FAT4: variants seen among roughly 807,000 people sequenced by gnomAD.
FAT4 encodes the protein protocadherin Fat 4.
FAT4 carries 84 observed loss-of-function variants against 303.9 expected under a neutral mutation model. The ratio of observed to expected loss-of-function variants is 0.28; its 90% CI spans 0.23 to 0.33. FAT4 has a LOEUF of 0.33. FAT4 is among the 10% of genes least tolerant of loss of function. The pLI, the probability that FAT4 is intolerant of heterozygous loss-of-function variation, is 1.00. For synonymous variants in FAT4, 2,307 were observed against 2,298.8 expected (o/e 1.00, Z -0.10); for missense variants, 6,005 against 6,146.8 (o/e 0.98, Z 0.77).
intron 2 of FAT4, among the ~76,000 whole-genome samples, chr4:125,374,829 A>AGTATTCAGAT (rs777900931): frequency 5.9e-5 from 9 of 152,218 alleles, no homozygotes; most frequent in Non-Finnish European, 1.3e-4. Context: ...AGAATAATTA[A>AGTATTCAGAT]GTATTCAGAT....
intron 3 of FAT4, among the ~76,000 whole-genome samples, chr4:125,399,819 G>A (rs1441679413): frequency 2.6e-5 from 4 of 151,828 alleles, no homozygotes; most frequent in African/African-American, 9.7e-5. Flanking sequence ...GAAAAGATAC[G>A]ATGTTTTATG....
chr4:125,430,671 T>G (rs1725254861), intron 7 of FAT4, among the ~76,000 whole-genome samples: 1 of 139,342 alleles, frequency 7.2e-6, no homozygotes, highest in Non-Finnish European at 1.6e-5. Flanking sequence ...GAAAAAAAAA[T>G]AAGAAGAGAA....
intron 12 of FAT4, among the ~76,000 whole-genome samples, chr4:125,472,614 G>T (rs961883217): frequency 1.3e-5 from 2 of 152,000 alleles, no homozygotes; most frequent in Non-Finnish European, 2.9e-5. Context: ...TTGATCTCAG[G>T]AATATTTTAT....
In FAT4 at chr4:125,398,897, A is replaced by G; in HGVS notation, c.5289A>G (p.Thr1763=). 1.2e-6 allele frequency: 2 copies of G among 1,613,240 alleles called. No homozygotes were observed. Among genetic ancestry groups the G allele is most frequent in the South Asian group, 1.1e-5 (1 of 91,036 alleles). ...ATGGCTCTAAGATTATGCAGCTGAC[A>G]GCCATGGATGCTGATGAGGTAGCTC... The part of the protein sequence containing the change: ...IGDGSKIMQL[T]AMDADEGANA... Residue 1763 remains threonine (T), a synonymous_variant, in exon 3 of 18, where the codon ACA becomes ACG. Coordinates refer to ENST00000394329, the MANE Select transcript of FAT4 (RefSeq NM_001291303.3).
Position 125,446,385 on chromosome 4 carries a change from A to G in FAT4, c.7292A>G (p.Asp2431Gly), listed in dbSNP as rs985465660. ...GCATTGTTAGATAGGGAAACAAAAGATAATTATACTTTGGTAGTGGTCTGC... is the reference window on the plus strand; with the variant it reads ...GCATTGTTAGATAGGGAAACAAAAGGTAATTATACTTTGGTAGTGGTCTGC... ...TSALLDRETKDNYTLVVVCSD... is the reference protein window; with the variant it reads ...TSALLDRETKGNYTLVVVCSD... Residue 2431 changes from aspartate (D) to glycine (G), a missense_variant, in exon 9 of 18, where the codon GAT becomes GGT. Asp to Gly is a moderately conservative substitution (Grantham distance 94). Coordinates refer to ENST00000394329, the MANE Select transcript of FAT4 (RefSeq NM_001291303.3). 4.3e-6 allele frequency: 7 copies of G among 1,613,572 alleles called. No individual in the cohort carries two copies. Among genetic ancestry groups the G allele is most frequent in the East Asian group, 2.2e-5 (1 of 44,886 alleles).
In FAT4 at chr4:125,381,667, G is replaced by C. The variant is rs116351163; in HGVS notation, c.5176-17117G>C. On this transcript the variant is annotated intron_variant, in intron 2 of 17. Coordinates refer to ENST00000394329, the MANE Select transcript of FAT4 (RefSeq NM_001291303.3). ...ATCAGGGTGGTAATTGCTGAAGGTT[G>C]TGGTGGCTGTGGCAATTTTGTGAAA... Among the ~76,000 whole-genome samples the C allele has an allele frequency of 6.4e-3, 973 of 152,266 alleles. 3 individuals carry two copies. The highest frequency in any genetic ancestry group is 0.022 in the African/African-American group (895 of 41,568).
At chr4:125,426,333 T>A (rs1725084853) in intron 7 of FAT4, among the ~76,000 whole-genome samples, 1 of 152,070 alleles carries the variant, frequency 6.6e-6, no homozygotes, top group Non-Finnish European at 1.5e-5. Flanking sequence ...GCCCCAATAA[T>A]TCTATAAATC....
chr4:125,368,878 G>A (rs1732993889), intron 2 of FAT4, among the ~76,000 whole-genome samples: 1 of 152,094 alleles, frequency 6.6e-6, no homozygotes, highest in African/African-American at 2.4e-5. Flanking sequence ...TTACTTGAAG[G>A]AATTTAAAGT....
At chr4:125,418,562 T>C (rs1029743039) in intron 7 of FAT4, among the ~76,000 whole-genome samples, 2 of 152,274 alleles carry the variant, frequency 1.3e-5, no homozygotes, top group African/African-American at 4.8e-5. Context: ...CGGAAGAGGG[T>C]ATAATAATTA....
intron 3 of FAT4, among the ~76,000 whole-genome samples, chr4:125,401,440 T>C (rs961210298): frequency 6.6e-6 from 1 of 152,024 alleles, no homozygotes; most frequent in African/African-American, 2.4e-5. Context: ...AAATCCTGGC[T>C]CTGTTTTCTT....
At chr4:125,429,752 G>T (rs553596042) in intron 7 of FAT4, among the ~76,000 whole-genome samples, 3 of 152,146 alleles carry the variant, frequency 2.0e-5, no homozygotes, top group Non-Finnish European at 2.9e-5. Context: ...AAGGTTTACA[G>T]ATAATGACTC....
intron 7 of FAT4, among the ~76,000 whole-genome samples, chr4:125,418,198 T>A (rs748466563): frequency 6.6e-6 from 1 of 152,184 alleles, no homozygotes; most frequent in Non-Finnish European, 1.5e-5. Flanking sequence ...TCTAAGGGCC[T>A]GGAAAATATC....
rs569596868 is a variant in FAT4, at chr4:125,437,929, T to C, written c.7199+3504T>C. Among the ~76,000 whole-genome samples, 3 of 152,272 alleles carry C rather than the reference T, an allele frequency of 2.0e-5. No individual in the cohort carries two copies. In the East Asian group the frequency reaches 5.8e-4, roughly 29 times the overall value. ...AATAATTTAAGTGAGCTGGTTAGAA[T>C]AGCACCAGGAACAAAAAACAATGCT... On this transcript the variant is annotated intron_variant, in intron 8 of 17. Transcript: ENST00000394329.
At chr4:125,385,337 C>G (rs986949030) in intron 2 of FAT4, among the ~76,000 whole-genome samples, 2 of 152,022 alleles carry the variant, frequency 1.3e-5, no homozygotes, top group African/African-American at 4.8e-5. Context: ...TTAGAAACTT[C>G]TTGGTCATCC....
chr4:125,451,164 G>T lies in FAT4; in HGVS notation c.10154G>T (p.Gly3385Val). The T allele has an allele frequency of 1.2e-6, 2 of 1,614,120 alleles. No individual in the cohort carries two copies. Among genetic ancestry groups the T allele is most frequent in the South Asian group, 1.1e-5 (1 of 91,090 alleles). Residue 3385 changes from glycine to valine, a missense_variant, in exon 10 of 18, where the codon GGT becomes GTT. By Grantham distance (109) the Gly-to-Val change is moderately radical. Transcript: ENST00000394329. ...GCCAAGAACTTTGGCAGCATTAGAG[G>T]TGCAGATATAGATGAGGTCACTGTA... ...VLAKNFGSIR[G>V]ADIDEVTVNV...
At chr4:125,489,851 T>C (rs1359279061) in intron 17 of FAT4, 50 bp from the exon 18 acceptor site, 11 of 547,108 alleles carry the variant, frequency 2.0e-5, no homozygotes, top group Non-Finnish European at 2.5e-5. Context: ...TAAGCTCTTT[T>C]TTTTTTTTTT....
At chr4:125,417,150 A>C (rs1240859778) in intron 7 of FAT4, among the ~76,000 whole-genome samples, 1 of 152,166 alleles carries the variant, frequency 6.6e-6, no homozygotes, top group African/African-American at 2.4e-5. Flanking sequence ...CCTAAGCCCT[A>C]TTCCCATAAA....
intron 15 of FAT4, among the ~76,000 whole-genome samples, chr4:125,480,477 T>A (rs1727188508): frequency 6.6e-6 from 1 of 152,160 alleles, no homozygotes; most frequent in Non-Finnish European, 1.5e-5. Flanking sequence ...GAGCTGCACA[T>A]CTCACTAACT....
chr4:125,436,669 A>G (rs561522749), intron 8 of FAT4, among the ~76,000 whole-genome samples: 2 of 152,164 alleles, frequency 1.3e-5, no homozygotes, highest in African/African-American at 2.4e-5. Context: ...GGTGAGGAAG[A>G]GCAAAATCAC....
Sources: allele counts gnomAD v4.1 joint callset (sites outside exome capture counted in the v4.1 genomes callset), GRCh38; gene constraint gnomAD v4.1.1; transcripts MANE v1.5; gene names NCBI Gene and HGNC (gene_info 2026-07-23, HGNC 2026-07-21).